WDPCP: variants seen among roughly 807,000 people sequenced by gnomAD.
The protein encoded by WDPCP is WD repeat containing planar cell polarity effector.
Under a neutral mutation model 93.1 loss-of-function variants are expected in WDPCP, and 71 were observed. The observed-to-expected ratio is 0.76, with a 90% CI of 0.63 to 0.93. The LOEUF is 0.93. Ranked by LOEUF, WDPCP falls within the 40% of genes least tolerant of loss-of-function variation. The pLI, the probability that WDPCP is intolerant of heterozygous loss-of-function variation, is 0.00. For synonymous variants in WDPCP, 315 were observed against 315.0 expected (o/e 1.00, Z 0.00); for missense variants, 844 against 887.4 (o/e 0.95, Z 0.62).
chr2:63,401,204 A>T (rs1694123271), intron 10 of WDPCP, among the ~76,000 whole-genome samples: 1 of 152,212 alleles, frequency 6.6e-6, no homozygotes, highest in East Asian at 1.9e-4. Context: ...CAGAGTGAAC[A>T]GGCAATCTAC....
chr2:63,622,861 C>T (rs1575732313), intron 3 of WDPCP: 7 of 1,570,236 alleles, frequency 4.5e-6, no homozygotes, highest in East Asian at 4.5e-5. Flanking sequence ...TCAGCACCCG[C>T]GCAGCATCAG....
intron 3 of WDPCP, among the ~76,000 whole-genome samples, chr2:63,626,062 A>C (rs570358943): frequency 2.6e-5 from 4 of 152,322 alleles, no homozygotes; most frequent in South Asian, 2.1e-4. Flanking sequence ...ATCTTTGACA[A>C]ACCTGACAAA....
At chr2:63,405,150 T>C (rs905053663) in intron 9 of WDPCP, among the ~76,000 whole-genome samples, 3 of 152,138 alleles carry the variant, frequency 2.0e-5, no homozygotes, top group Non-Finnish European at 4.4e-5. Flanking sequence ...TATTGGTAAA[T>C]TGCTTATTAG....
rs1201123105 is a variant in WDPCP at position 63,809,783 on chromosome 2, G to T, written n.308+3839C>A. ...AGGGACACAAACACTGCGGAAGGCC[G>T]CAGGGTCCTCTGCCTAGGAAAACCA... On this transcript the variant is annotated intron_variant and non_coding_transcript_variant, in intron 2 of 4. Transcript: ENST00000467687. Among the ~76,000 whole-genome samples, 10 of 152,164 alleles carry T rather than the reference G, an allele frequency of 6.6e-5. No individual in the cohort carries two copies. In the East Asian group the frequency reaches 1.5e-3, roughly 24 times the overall value.
At chr2:63,482,170 G>T (rs889175977) in intron 6 of WDPCP, among the ~76,000 whole-genome samples, 7 of 151,940 alleles carry the variant, frequency 4.6e-5, no homozygotes, top group African/African-American at 1.7e-4. Context: ...TGGTTGCCTG[G>T]CTCATTTTTA....
At chr2:63,285,972 AAC>A (rs1303058789) in intron 13 of WDPCP, among the ~76,000 whole-genome samples, 1 of 150,006 alleles carries the variant, frequency 6.7e-6, no homozygotes, top group Non-Finnish European at 1.5e-5. Flanking sequence ...ATTAAATAAT[AAC>A]ACAAGGTCAT....
chr2:63,677,817 A>C (rs262531), intron 2 of WDPCP, among the ~76,000 whole-genome samples: 120,532 of 152,104 alleles, frequency 0.79, 48,314 homozygotes, highest in East Asian at 0.98. Context: ...GCAAAAGGAA[A>C]ACAAATCCAG....
chr2:63,386,594 C>A (rs553187394), intron 10 of WDPCP, among the ~76,000 whole-genome samples: 119 of 152,144 alleles, frequency 7.8e-4, no homozygotes, highest in African/African-American at 2.7e-3. Flanking sequence ...TGCTGATATG[C>A]TAAATGACAC....
intron 14 of WDPCP, among the ~76,000 whole-genome samples, chr2:63,258,059 A>T (rs1681286484): frequency 6.6e-6 from 1 of 152,166 alleles, no homozygotes; most frequent in Non-Finnish European, 1.5e-5. Flanking sequence ...CTCATAGCAA[A>T]TATAAATTGT....
intron 17 of WDPCP, among the ~76,000 whole-genome samples, chr2:63,147,023 C>T (rs1484599335): frequency 6.6e-6 from 1 of 152,126 alleles, no homozygotes; most frequent in African/African-American, 2.4e-5. Flanking sequence ...GTTCAGTCAA[C>T]ATTTAGTGAC....
Position 63,404,033 on chromosome 2 carries a change from C to G in WDPCP, c.1435+15G>C, listed in dbSNP as rs1473600340. ...AACATTTTAATTTACTTACTCATCA[C>G]TTTCCTTGACTTACCTAGTTTAAAC... On this transcript the variant is annotated intron_variant, in intron 10 of 17. Transcript: ENST00000272321. 1.2e-6 allele frequency: 2 copies of G among 1,613,944 alleles called. No homozygotes were observed. The highest frequency in any genetic ancestry group is 3.3e-5 in the Admixed American group (2 of 59,990).
At chr2:63,243,244 T>C (rs1445046209) in intron 14 of WDPCP, among the ~76,000 whole-genome samples, 1 of 152,172 alleles carries the variant, frequency 6.6e-6, no homozygotes, top group Non-Finnish European at 1.5e-5. Context: ...GTGTGATTGA[T>C]AGAGTGTCTC....
chr2:63,298,510 G>A (rs1685053679), intron 13 of WDPCP, among the ~76,000 whole-genome samples: 1 of 151,932 alleles, frequency 6.6e-6, no homozygotes, highest in African/African-American at 2.4e-5. Flanking sequence ...GGAAGAAGCT[G>A]ACTTGCTGAG....
chr2:63,714,544 T>C (rs1379691256), intron 2 of WDPCP, among the ~76,000 whole-genome samples: 1 of 152,040 alleles, frequency 6.6e-6, no homozygotes, highest in Non-Finnish European at 1.5e-5. Flanking sequence ...GCAATTCCAG[T>C]CATAAGAACT....
intron 15 of WDPCP, among the ~76,000 whole-genome samples, chr2:63,162,298 T>G (rs896683606): frequency 2.6e-5 from 4 of 152,320 alleles, no homozygotes; most frequent in South Asian, 4.1e-4. Context: ...TTTGATAAAT[T>G]CATTTGCAGT....
chr2:63,317,846 T>C (rs1398939402), intron 12 of WDPCP, among the ~76,000 whole-genome samples: 1 of 152,118 alleles, frequency 6.6e-6, no homozygotes, highest in Non-Finnish European at 1.5e-5. Flanking sequence ...ATTATGGACA[T>C]AGGCCCTGGC....
chr2:63,390,006 G>A (rs1393705860), intron 10 of WDPCP, among the ~76,000 whole-genome samples: 1 of 152,132 alleles, frequency 6.6e-6, no homozygotes, highest in African/African-American at 2.4e-5. Context: ...AGGTTAACAA[G>A]GATATCCAGG....
intron 2 of WDPCP, chr2:63,751,549 T>C (rs1669883097): frequency 5.1e-6 from 2 of 391,520 alleles, no homozygotes; most frequent in Non-Finnish European, 9.7e-6. Context: ...TGAGTATTTA[T>C]CTAAAACATG....
At chr2:63,790,773 C>T (rs1030632429) in intron 2 of WDPCP, among the ~76,000 whole-genome samples, 44 of 152,116 alleles carry the variant, frequency 2.9e-4, no homozygotes, top group Admixed American at 2.8e-3. Flanking sequence ...GTAAATAAAA[C>T]TTAATGACAT....
Sources: gnomAD v4.1 joint callset for allele counts (sites outside exome capture counted in the v4.1 genomes callset) on GRCh38, gnomAD v4.1.1 for gene constraint, MANE v1.5 for transcripts, NCBI Gene and HGNC (gene_info 2026-07-23, HGNC 2026-07-21) for gene names.